The following SYT17 variants were observed in gnomAD, a reference collection of about 807,000 sequenced individuals.
SYT17 encodes the protein synaptotagmin-17.
A neutral mutation model predicts 46.7 loss-of-function variants in SYT17; 22 were observed. The ratio of observed to expected loss-of-function variants is 0.47; its 90% CI spans 0.34 to 0.67. The LOEUF (loss-of-function observed/expected upper bound fraction) is 0.67. Among genes scored for constraint, SYT17 ranks in the 30% least tolerant of loss-of-function variants. The probability of loss-of-function intolerance (pLI) is 0.01; values close to 1 mark genes in which losing one functional copy is unlikely to be tolerated. For missense variants in SYT17, 519 were observed against 612.8 expected (o/e 0.85, Z 1.62); for synonymous variants, 251 against 248.4 (o/e 1.01, Z -0.10).
At chr16:19,195,495 CACCTGAGGTCAGGAGTTCAAG>C (rs1965201631) in intron 5 of SYT17, among the ~76,000 whole-genome samples, 1 of 151,458 alleles carries the variant, frequency 6.6e-6, no homozygotes, top group Admixed American at 6.6e-5. Flanking sequence ...GCAGGCAGAT[CACCTGAGGTCAGGAGTTCAAG>C]ACCAGCCTGG....
At chr16:19,178,677 A>T (rs1160688577) in intron 3 of SYT17, among the ~76,000 whole-genome samples, 1 of 152,066 alleles carries the variant, frequency 6.6e-6, no homozygotes, top group African/African-American at 2.4e-5. Flanking sequence ...CAAAACTTGC[A>T]TTTTTCAAGA....
Position 19,211,496 on chromosome 16 carries a change from G to A in SYT17, c.952-11549G>A, listed in dbSNP as rs1258366730. 5.7e-6 allele frequency: 4 copies of A among 703,682 alleles called. No individual in the cohort carries two copies. The Admixed American group carries it at 6.0e-5, about 11-fold the overall frequency. 43.6% of individuals were successfully genotyped at this position (703,682 alleles called of 1,614,324 possible). A position where few individuals can be genotyped will look rare whatever the true frequency, so the allele number is the denominator to read the frequency against. ...GAAGGAAATGACAAGGTGGTGTGATGGGAAATGATGGAGGCAGAGGGGTGT... is the reference window on the plus strand; with the variant it reads ...GAAGGAAATGACAAGGTGGTGTGATAGGAAATGATGGAGGCAGAGGGGTGT... On this transcript the variant is annotated intron_variant, in intron 5 of 7. Coordinates refer to ENST00000355377, the MANE Select transcript of SYT17 (RefSeq NM_016524.4).
chr16:19,177,865 T>C (rs1167096679), intron 3 of SYT17, among the ~76,000 whole-genome samples: 1 of 152,192 alleles, frequency 6.6e-6, no homozygotes, highest in African/African-American at 2.4e-5. Flanking sequence ...CAAGCACATA[T>C]TGAATGCCTA....
chr16:19,242,527 TA>T (rs538333178), intron 7 of SYT17, among the ~76,000 whole-genome samples: 4 of 152,024 alleles, frequency 2.6e-5, no homozygotes, highest in East Asian at 1.9e-4. Context: ...TTTTTTTAAT[TA>T]AAAAAATTTT....
chr16:19,178,088 C>CTT (rs34305511), intron 3 of SYT17, among the ~76,000 whole-genome samples: 8 of 144,526 alleles, frequency 5.5e-5, no homozygotes, highest in Non-Finnish European at 1.1e-4. Flanking sequence ...AGTGATTCTC[C>CTT]TTTTTTTTTT....
At chr16:19,190,860 C>T (rs115360082) in intron 5 of SYT17, among the ~76,000 whole-genome samples, 369 of 151,818 alleles carry the variant, frequency 2.4e-3, no homozygotes, top group African/African-American at 8.1e-3. Flanking sequence ...ATTGCCTCCA[C>T]CCAATGGACA....
rs1346760195 is a variant in SYT17, at chr16:19,183,641, A to G, written c.445A>G (p.Asn149Asp). Residue 149 changes from asparagine (N) to aspartate (D), a missense_variant, in exon 5 of 8, where the codon AAC becomes GAC. Physicochemically the swap from Asn to Asp is conservative, Grantham distance 23 (BLOSUM62 1). Coordinates refer to ENST00000355377, the MANE Select transcript of SYT17 (RefSeq NM_016524.4). The surrounding 1 kb of genome is among the most constrained non-coding windows in gnomAD (Gnocchi z 5.6). ...IQPSVLRRTYNPDDYFRKFEP... is the reference protein window; with the variant it reads ...IQPSVLRRTYDPDDYFRKFEP... The stretch of plus-strand genomic sequence containing the variant: ...ACCTTCGGTGCTCAGACGGACCTAT[A>G]ACCCCGACGACTATTTCAGGAAGTT... The G allele has an allele frequency of 1.9e-6, 3 of 1,613,556 alleles. No homozygotes were observed. The African/African-American group carries it at 4.0e-5, about 22-fold the overall frequency.
intron 5 of SYT17, among the ~76,000 whole-genome samples, chr16:19,215,579 T>C (rs1020917019): frequency 6.6e-6 from 1 of 152,170 alleles, no homozygotes; most frequent in African/African-American, 2.4e-5. Context: ...AGCTGGCTAA[T>C]TTTTTAATTT....
intron 7 of SYT17, among the ~76,000 whole-genome samples, chr16:19,256,895 A>G (rs1184854639): frequency 6.6e-6 from 1 of 152,086 alleles, no homozygotes; most frequent in Non-Finnish European, 1.5e-5. Flanking sequence ...TTTGAGATAA[A>G]GGAAGAAATT....
chr16:19,186,575 C>T (rs764266234), intron 5 of SYT17, among the ~76,000 whole-genome samples: 12 of 152,332 alleles, frequency 7.9e-5, no homozygotes, highest in Admixed American at 5.9e-4. Flanking sequence ...TACTCTGGTC[C>T]GTCACACTCG....
At chr16:19,174,428 G>A (rs777342923) in intron 3 of SYT17, among the ~76,000 whole-genome samples, 4 of 152,112 alleles carry the variant, frequency 2.6e-5, no homozygotes, top group African/African-American at 7.2e-5. Context: ...GACAGACAGC[G>A]GCCAGGACCC....
At chr16:19,237,893 GA>G (rs141447546) in intron 7 of SYT17, among the ~76,000 whole-genome samples, 1 of 152,352 alleles carries the variant, frequency 6.6e-6, no homozygotes, top group African/African-American at 2.4e-5. Context: ...AGGGTTGGGG[GA>G]CTATGAGTTT....
At chr16:19,265,349 C>A (rs1324986142) in intron 7 of SYT17, among the ~76,000 whole-genome samples, 1 of 152,338 alleles carries the variant, frequency 6.6e-6, no homozygotes, top group East Asian at 1.9e-4. Flanking sequence ...CAATTTTTCT[C>A]CACAGAGCTG....
chr16:19,246,394 CA>C (rs60093976), intron 7 of SYT17, among the ~76,000 whole-genome samples: 13,044 of 152,058 alleles, frequency 0.086, 1,190 homozygotes, highest in East Asian at 0.22. Context: ...TGAATATTTG[CA>C]ATATGAATAT....
intron 7 of SYT17, among the ~76,000 whole-genome samples, chr16:19,232,822 T>A (rs369483528): frequency 3.3e-4 from 48 of 147,270 alleles, no homozygotes; most frequent in African/African-American, 9.9e-4. Context: ...ACAGAGCCAG[T>A]CCCTATCTCA....
rs1196665722 is a variant in SYT17, at chr16:19,267,722, G to A, written c.*646G>A. ...GCTTAACAGAATTGTTCTTGTGTTA[G>A]CTCATCCCAGGGAACGCCCTGTGGG... On this transcript the variant is annotated 3_prime_UTR_variant, in exon 8 of 8. Transcript: ENST00000355377. 1 of 152,252 alleles carries A rather than the reference G, an allele frequency of 6.6e-6. No individual in the cohort carries two copies. Among genetic ancestry groups the A allele is most frequent in the East Asian group, 1.9e-4 (1 of 5,192 alleles). 9.4% of individuals were successfully genotyped at this position (152,252 alleles called of 1,614,324 possible).
chr16:19,258,573 C>T (rs972205483), intron 7 of SYT17, among the ~76,000 whole-genome samples: 1 of 152,086 alleles, frequency 6.6e-6, no homozygotes, highest in Non-Finnish European at 1.5e-5. Context: ...ACCCGGGAGG[C>T]GGAGGTTGCA....
At chr16:19,182,015 AAG>A (rs1285853112) in intron 4 of SYT17, among the ~76,000 whole-genome samples, 1 of 151,786 alleles carries the variant, frequency 6.6e-6, no homozygotes, top group African/African-American at 2.4e-5. Flanking sequence ...AAAAAAAAAA[AAG>A]AGAGAGAGGA....
At chr16:19,189,703 T>TGGTC (rs1249867233) in intron 5 of SYT17, among the ~76,000 whole-genome samples, 1 of 152,218 alleles carries the variant, frequency 6.6e-6, no homozygotes, top group Non-Finnish European at 1.5e-5. Flanking sequence ...ATTGGTTGGT[T>TGGTC]GGTCAGTGGA....
Sources: gnomAD v4.1 joint callset for allele counts (sites outside exome capture counted in the v4.1 genomes callset) on GRCh38, gnomAD v4.1.1 for gene constraint, Gnocchi (gnomAD v3.1) non-coding constraint, MANE v1.5 for transcripts, NCBI Gene and HGNC (gene_info 2026-07-23, HGNC 2026-07-21) for gene names.